Variants in CSMD3 observed in about 807,000 individuals in gnomAD.
CSMD3 encodes the protein CUB and sushi domain-containing protein 3.
CSMD3 carries 177 observed loss-of-function variants against 435.2 expected under a neutral mutation model. That is an observed-to-expected ratio of 0.41 (90% confidence interval 0.36 to 0.46). The LOEUF (loss-of-function observed/expected upper bound fraction) is 0.46, where lower values mean the gene tolerates loss of function less well. Ranked by LOEUF, CSMD3 falls within the 20% of genes least tolerant of loss-of-function variation. The pLI is 0.34. For missense variants in CSMD3, 4,265 were observed against 4,504.6 expected, an observed-to-expected ratio of 0.95 and a Z score of 1.52; for synonymous variants, 1,656 against 1,520.5, an observed-to-expected ratio of 1.09 and a Z score of -2.07.
At chr8:113,382,391 T>G (rs1198689361) in intron 1 of CSMD3, among the ~76,000 whole-genome samples, 2 of 152,160 alleles carry the variant, frequency 1.3e-5, no homozygotes, top group Non-Finnish European at 2.9e-5. Context: ...GTCTTTTTTA[T>G]TTTTAGTTTT....
chr8:112,240,150 A>G (rs1268006035), intron 66 of CSMD3, among the ~76,000 whole-genome samples: 1 of 152,118 alleles, frequency 6.6e-6, no homozygotes, highest in Non-Finnish European at 1.5e-5. Flanking sequence ...GAATTTCCAA[A>G]CATACAGGAA....
At chr8:113,215,915 A>T (rs552922675) in intron 3 of CSMD3, among the ~76,000 whole-genome samples, 35 of 151,804 alleles carry the variant, frequency 2.3e-4, no homozygotes, top group South Asian at 4.2e-4. Flanking sequence ...ATACTTTTTT[A>T]AAAAAAATTT....
chr8:112,958,314 A>T (rs1227560293), intron 7 of CSMD3, among the ~76,000 whole-genome samples: 1 of 152,216 alleles, frequency 6.6e-6, no homozygotes, highest in Non-Finnish European at 1.5e-5. Context: ...AATCATTTTT[A>T]AAATTTTTCA....
At chr8:112,703,544 A>T (rs1161001400) in intron 13 of CSMD3, among the ~76,000 whole-genome samples, 2 of 152,160 alleles carry the variant, frequency 1.3e-5, no homozygotes. Flanking sequence ...AAATAATAAC[A>T]TCTGGCCTTA....
intron 23 of CSMD3, among the ~76,000 whole-genome samples, chr8:112,584,521 G>A (rs1381687552): frequency 1.3e-5 from 2 of 151,676 alleles, no homozygotes; most frequent in East Asian, 3.9e-4. Flanking sequence ...GTACACGAAT[G>A]TTTGCATGGA....
At chr8:112,342,160 T>C (rs2130997206) in intron 41 of CSMD3, among the ~76,000 whole-genome samples, 1 of 152,238 alleles carries the variant, frequency 6.6e-6, no homozygotes, top group South Asian at 2.1e-4. Context: ...GAAATTAACT[T>C]CTCAGAAATA....
chr8:112,556,994 G>A (rs943483958), intron 24 of CSMD3, 40 bp from the exon 25 acceptor site: 7 of 1,248,418 alleles, frequency 5.6e-6, no homozygotes, highest in Non-Finnish European at 7.0e-6. Flanking sequence ...CAAAATTTAG[G>A]AGGAGGATTT....
chr8:113,086,039 C>T (rs1359223045), intron 5 of CSMD3, among the ~76,000 whole-genome samples: 1 of 151,976 alleles, frequency 6.6e-6, no homozygotes, highest in African/African-American at 2.4e-5. Context: ...AGATGGAGGC[C>T]ATACTGGCTA....
chr8:112,305,491 C>G (rs1040392711), intron 51 of CSMD3, among the ~76,000 whole-genome samples: 2 of 151,818 alleles, frequency 1.3e-5, no homozygotes, highest in Non-Finnish European at 2.9e-5. Context: ...AAATCTTTAC[C>G]AGAATTAATG....
chr8:113,081,634 C>A (rs1248777102), intron 5 of CSMD3, among the ~76,000 whole-genome samples: 2 of 152,120 alleles, frequency 1.3e-5, no homozygotes, highest in Non-Finnish European at 2.9e-5. Context: ...AGCATGGTAT[C>A]ATTTTGAGAG....
chr8:112,765,253 CA>C (rs1198655783), intron 13 of CSMD3, among the ~76,000 whole-genome samples: 1 of 150,888 alleles, frequency 6.6e-6, no homozygotes, highest in Admixed American at 6.6e-5. Flanking sequence ...AATTGTCAGG[CA>C]AAAAATGATG....
At position 113,177,418 on chromosome 8, in the gene CSMD3, T is replaced by C. The variant is rs148229080; in HGVS notation, c.515-3502A>G. On this transcript the variant is annotated intron_variant, in intron 3 of 70. Transcript: ENST00000297405. ...CAAATTATTATACCTGAAAGCAGAG[T>C]TGCTGAAAAGACTTCAGTTATCTTC... 2.6e-5 allele frequency among the ~76,000 whole-genome samples: 4 copies of C among 152,116 alleles called. 1 individual carries two copies. The highest frequency in any genetic ancestry group is 3.9e-4 in the East Asian group (2 of 5,172).
chr8:112,741,811 A>G (rs2077316195), intron 13 of CSMD3, among the ~76,000 whole-genome samples: 1 of 151,768 alleles, frequency 6.6e-6, no homozygotes, highest in Admixed American at 6.6e-5. Flanking sequence ...ATAGATAGAT[A>G]GATAGATAGA....
chr8:112,685,378 T>C (rs1388089510), intron 15 of CSMD3, 28 bp downstream of exon 15: 5 of 1,566,252 alleles, frequency 3.2e-6, no homozygotes, highest in Middle Eastern at 1.7e-4. Context: ...ATATATTATA[T>C]GGGAAAAAAA....
chr8:112,264,546 C>A (rs570800216), intron 60 of CSMD3, among the ~76,000 whole-genome samples: 1 of 151,970 alleles, frequency 6.6e-6, no homozygotes, highest in East Asian at 1.9e-4. Flanking sequence ...TAATTCATAT[C>A]AGTATGAATT....
intron 8 of CSMD3, among the ~76,000 whole-genome samples, chr8:112,953,580 A>G (rs559564491): frequency 6.6e-6 from 1 of 151,430 alleles, no homozygotes; most frequent in Non-Finnish European, 1.5e-5. Flanking sequence ...TAATATTCTC[A>G]AGTCTAACTA....
chr8:113,287,891 C>A (rs1481668362), intron 2 of CSMD3, among the ~76,000 whole-genome samples: 1 of 151,888 alleles, frequency 6.6e-6, no homozygotes, highest in Non-Finnish European at 1.5e-5. Flanking sequence ...CAAAAGCCAG[C>A]CTTAAACCTA....
At chr8:112,679,378 C>A (rs2075837538) in intron 16 of CSMD3, among the ~76,000 whole-genome samples, 1 of 152,062 alleles carries the variant, frequency 6.6e-6, no homozygotes, top group Admixed American at 6.5e-5. Flanking sequence ...TTCCTTGGCT[C>A]CAACCTCATC....
intron 18 of CSMD3, among the ~76,000 whole-genome samples, chr8:112,653,826 A>T (rs2075190724): frequency 6.6e-6 from 1 of 151,840 alleles, no homozygotes; most frequent in Non-Finnish European, 1.5e-5. Flanking sequence ...TGCCTGGCTA[A>T]TTTTTGTATT....
Sources: gnomAD v4.1 joint callset for allele counts (sites outside exome capture counted in the v4.1 genomes callset) on GRCh38, gnomAD v4.1.1 for gene constraint, MANE v1.5 for transcripts, NCBI Gene and HGNC (gene_info 2026-07-23, HGNC 2026-07-21) for gene names.